THRB: variants seen among roughly 807,000 people sequenced by gnomAD.
The protein encoded by THRB is nuclear receptor subfamily 1 group A member 2.
Under a neutral mutation model 47.8 loss-of-function variants are expected in THRB, and 12 were observed. The observed-to-expected ratio is 0.25, with a 90% CI of 0.16 to 0.41. The LOEUF (loss-of-function observed/expected upper bound fraction) is 0.41. Among genes scored for constraint, THRB ranks in the 10% least tolerant of loss-of-function variants. The pLI is 1.00. For missense variants in THRB, 348 were observed against 589.2 expected (o/e 0.59, Z 4.24); for synonymous variants, 218 against 212.2 (o/e 1.03, Z -0.24).
At chr3:24,471,118 G>T (rs1254342376) in intron 1 of THRB, among the ~76,000 whole-genome samples, 4 of 152,168 alleles carry the variant, frequency 2.6e-5, no homozygotes, top group Non-Finnish European at 5.9e-5. Context: ...CAATACTTCA[G>T]CAGATTACAA....
chr3:24,282,759 A>AC (rs1457427221), intron 3 of THRB, among the ~76,000 whole-genome samples: 4 of 150,018 alleles, frequency 2.7e-5, no homozygotes, highest in Non-Finnish European at 4.4e-5. Context: ...GGATATCACC[A>AC]CCGATCCCAC....
intron 1 of THRB, among the ~76,000 whole-genome samples, chr3:24,453,212 T>G (rs757719527): frequency 6.6e-6 from 1 of 152,208 alleles, no homozygotes; most frequent in African/African-American, 2.4e-5. Context: ...GCAACAGTTA[T>G]TAAAGCATTC....
intron 1 of THRB, among the ~76,000 whole-genome samples, chr3:24,451,229 C>CTTTTTT (rs71057674): frequency 1.2e-4 from 11 of 95,348 alleles, no homozygotes; most frequent in Non-Finnish European, 1.6e-4. Context: ...ACTACATGTA[C>CTTTTTT]TTTTTTTTTT....
At chr3:24,326,905 C>T (rs377515889) in intron 2 of THRB, among the ~76,000 whole-genome samples, 5 of 151,900 alleles carry the variant, frequency 3.3e-5, no homozygotes, top group Admixed American at 2.0e-4. Flanking sequence ...GCTGGGACTA[C>T]AGGTGCGTGC....
intron 3 of THRB, among the ~76,000 whole-genome samples, chr3:24,261,484 C>A (rs1667750): frequency 1.4e-5 from 2 of 140,164 alleles, no homozygotes; most frequent in East Asian, 4.2e-4. Flanking sequence ...GACAACAGAG[C>A]GCGATTCTGT....
intron 1 of THRB, among the ~76,000 whole-genome samples, chr3:24,444,688 T>C (rs4589883): frequency 0.99 from 151,412 of 152,280 alleles, 75,301 homozygotes; most frequent in Middle Eastern, 1. Context: ...ACTGCAACCT[T>C]GTGCCTTCCG....
intron 1 of THRB, chr3:24,431,200 A>C (rs2070358652): frequency 6.6e-6 from 1 of 151,592 alleles, no homozygotes; most frequent in South Asian, 2.1e-4. Flanking sequence ...GTAAGCCAAA[A>C]ATTGGGAGAA....
At chr3:24,464,677 G>C (rs1178835802) in intron 1 of THRB, among the ~76,000 whole-genome samples, 2 of 152,022 alleles carry the variant, frequency 1.3e-5, no homozygotes, top group Non-Finnish European at 1.5e-5. Flanking sequence ...ATTGTTTTCT[G>C]TTGATCACAC....
intron 4 of THRB, among the ~76,000 whole-genome samples, chr3:24,215,366 G>T (rs1351139033): frequency 6.6e-6 from 1 of 152,168 alleles, no homozygotes; most frequent in Non-Finnish European, 1.5e-5. Flanking sequence ...AAGTCACAAG[G>T]TTACTTAGTG....
At position 24,185,482 on chromosome 3, in the gene THRB, A is replaced by G. The variant is rs191863957; in HGVS notation, c.283+4592T>C. ...ACCATGAACATATATAGGCTTTTAT[A>G]ATGAGAGGAAGTAACTTGTTCTTAA... On this transcript the variant is annotated intron_variant, in intron 5 of 10. Transcript: ENST00000646209. Among the ~76,000 whole-genome samples, 227 of 152,328 alleles carry G rather than the reference A, an allele frequency of 1.5e-3. 1 individual carries two copies. Among genetic ancestry groups the G allele is most frequent in the African/African-American group, 5.1e-3 (210 of 41,568 alleles).
intron 4 of THRB, among the ~76,000 whole-genome samples, chr3:24,223,441 C>T (rs2047354526): frequency 6.6e-6 from 1 of 152,042 alleles, no homozygotes; most frequent in African/African-American, 2.4e-5. Flanking sequence ...TCATAAATGA[C>T]ACCTCAATAG....
rs573916363 is a variant in THRB, at chr3:24,399,385, A to G, written c.-260-62014T>C. ...TTTCAACCAACAGATGAACTGGGAA[A>G]AAATGTATTACCAAAAGGCAGCACT... is the stretch of plus-strand genomic sequence containing the variant. On this transcript the variant is annotated intron_variant, in intron 1 of 10. Transcript: ENST00000646209. Among the ~76,000 whole-genome samples the G allele has an allele frequency of 9.2e-5, 14 of 152,192 alleles. No individual in the cohort carries two copies. The South Asian group carries it at 2.9e-3, about 32-fold the overall frequency.
At chr3:24,228,589 C>T (rs2047921221) in intron 4 of THRB, among the ~76,000 whole-genome samples, 1 of 145,438 alleles carries the variant, frequency 6.9e-6, no homozygotes, top group Admixed American at 7.0e-5. Context: ...ACCGTGAGTG[C>T]ACCACTGCAC....
chr3:24,292,116 G>A (rs906652671), intron 3 of THRB, among the ~76,000 whole-genome samples: 2 of 152,036 alleles, frequency 1.3e-5, no homozygotes, highest in Non-Finnish European at 1.5e-5. Context: ...TATTATTTAA[G>A]GAAAAAATTT....
At chr3:24,415,651 C>T (rs1206002883) in intron 1 of THRB, among the ~76,000 whole-genome samples, 2 of 151,780 alleles carry the variant, frequency 1.3e-5, no homozygotes, top group African/African-American at 4.8e-5. Context: ...TCAAGAAATC[C>T]AAACTATAAG....
chr3:24,267,808 G>T (rs931614213), intron 3 of THRB, among the ~76,000 whole-genome samples: 11 of 152,084 alleles, frequency 7.2e-5, no homozygotes, highest in African/African-American at 2.7e-4. Context: ...TTGGGGTTGA[G>T]CCCAATCTCT....
intron 1 of THRB, among the ~76,000 whole-genome samples, chr3:24,454,511 A>C (rs1030058558): frequency 3.3e-5 from 5 of 152,208 alleles, no homozygotes; most frequent in South Asian, 2.1e-4. Flanking sequence ...ATTGCATAGC[A>C]TGTGGATTCT....
chr3:24,161,052 G>A (rs1227275815), intron 5 of THRB, among the ~76,000 whole-genome samples: 1 of 152,224 alleles, frequency 6.6e-6, no homozygotes, highest in African/African-American at 2.4e-5. Flanking sequence ...AAGAGCTCAC[G>A]CTTTTGTCTG....
chr3:24,262,858 T>C (rs538286036), intron 3 of THRB, among the ~76,000 whole-genome samples: 8 of 152,290 alleles, frequency 5.3e-5, no homozygotes, highest in African/African-American at 1.9e-4. Context: ...TATTTTTTTT[T>C]CTATTTTGTT....
Sources: gnomAD v4.1 joint callset for allele counts (sites outside exome capture counted in the v4.1 genomes callset) on GRCh38, gnomAD v4.1.1 for gene constraint, MANE v1.5 for transcripts, NCBI Gene and HGNC (gene_info 2026-07-23, HGNC 2026-07-21) for gene names.